SGCD: variants seen among roughly 807,000 people sequenced by gnomAD.
SGCD encodes the protein delta-sarcoglycan.
SGCD carries 18 observed loss-of-function variants against 36.6 expected under a neutral mutation model. That is an observed-to-expected ratio of 0.49 (90% CI 0.34 to 0.73). The LOEUF is 0.73. Ranked by LOEUF, SGCD falls within the 30% of genes least tolerant of loss-of-function variation. The pLI, the probability that SGCD is intolerant of heterozygous loss-of-function variation, is 0.01. For missense variants in SGCD, 387 were observed against 346.7 expected, an observed-to-expected ratio of 1.12 and a Z score of -0.92; for synonymous variants, 133 against 130.6, an observed-to-expected ratio of 1.02 and a Z score of -0.12.
chr5:156,601,178 G>A (rs1355301818), intron 6 of SGCD, among the ~76,000 whole-genome samples: 12 of 152,080 alleles, frequency 7.9e-5, no homozygotes, highest in Admixed American at 7.9e-4. Context: ...TTTGTTGCCT[G>A]TACTTTTGAG....
chr5:156,229,640 G>A (rs974250928), intron 3 of SGCD, among the ~76,000 whole-genome samples: 3 of 151,940 alleles, frequency 2.0e-5, no homozygotes, highest in African/African-American at 4.8e-5. Context: ...ATGACAATGT[G>A]CCTAGGCGAT....
chr5:156,493,995 A>T (rs918045451), intron 3 of SGCD, among the ~76,000 whole-genome samples: 1 of 152,122 alleles, frequency 6.6e-6, no homozygotes, highest in Non-Finnish European at 1.5e-5. Flanking sequence ...CAAGCCTCTC[A>T]GAGCATATCA....
chr5:156,432,529 G>A (rs1753069665), intron 3 of SGCD, among the ~76,000 whole-genome samples: 1 of 152,148 alleles, frequency 6.6e-6, no homozygotes, highest in Non-Finnish European at 1.5e-5. Flanking sequence ...CTCCCCAAGA[G>A]TTTATGTCCT....
chr5:156,118,252 C>A (rs1761950249), intron 2 of SGCD, among the ~76,000 whole-genome samples: 1 of 151,994 alleles, frequency 6.6e-6, no homozygotes, highest in Non-Finnish European at 1.5e-5. Context: ...GGTGCACTGG[C>A]ATGCATGGAA....
intron 3 of SGCD, among the ~76,000 whole-genome samples, chr5:156,355,570 C>G (rs1769453669): frequency 1.3e-5 from 2 of 152,242 alleles, no homozygotes; most frequent in South Asian, 4.1e-4. Flanking sequence ...TGTTTCTGAG[C>G]CATATTCTCC....
intron 3 of SGCD, among the ~76,000 whole-genome samples, chr5:156,487,772 A>T (rs1581063874): frequency 8.3e-6 from 1 of 120,522 alleles, no homozygotes; most frequent in Non-Finnish European, 1.6e-5. Flanking sequence ...TGGGCAACAG[A>T]GTGAGACTCT....
the SGCD span, among the ~76,000 whole-genome samples, chr5:155,830,032 T>G: frequency 6.6e-6 from 1 of 152,088 alleles, no homozygotes; most frequent in African/African-American, 2.4e-5. Context: ...GATGAGGGGA[T>G]GGAGGCCCAA....
At chr5:155,870,557 G>A (rs755301292) in intron 1 of SGCD, 1 of 152,100 alleles carries the variant, frequency 6.6e-6, no homozygotes, top group Non-Finnish European at 1.5e-5. Flanking sequence ...TTGCCAGAAG[G>A]AGCCTCAAAG....
intron 7 of SGCD, among the ~76,000 whole-genome samples, chr5:156,742,406 C>A (rs1215120680): frequency 6.6e-6 from 1 of 152,200 alleles, no homozygotes; most frequent in East Asian, 1.9e-4. Flanking sequence ...ATTCTCTTCC[C>A]TCTCTCAGTG....
chr5:155,753,721 A>G, the SGCD span, among the ~76,000 whole-genome samples: 1 of 152,198 alleles, frequency 6.6e-6, no homozygotes, highest in African/African-American at 2.4e-5. Context: ...ACCGGGAATC[A>G]AGTTTCCCTT....
intron 3 of SGCD, among the ~76,000 whole-genome samples, chr5:156,488,107 T>TTTG (rs1554107890): frequency 3.6e-5 from 5 of 140,720 alleles, no homozygotes; most frequent in African/African-American, 1.1e-4. Context: ...GGTTTTTTTT[T>TTTG]TTTTTTTTTT....
At chr5:156,199,382 ATTGG>A (rs1764090752) in intron 3 of SGCD, among the ~76,000 whole-genome samples, 1 of 152,144 alleles carries the variant, frequency 6.6e-6, no homozygotes, top group African/African-American at 2.4e-5. Flanking sequence ...TCTTCACAGA[ATTGG>A]GAAATAATAA....
chr5:156,070,056 T>G (rs1218890848), intron 1 of SGCD, among the ~76,000 whole-genome samples: 1 of 151,626 alleles, frequency 6.6e-6, no homozygotes, highest in African/African-American at 2.4e-5. Flanking sequence ...TTTCTAGATA[T>G]ACAATCATGT....
chr5:156,223,517 C>T (rs550101150), intron 3 of SGCD, among the ~76,000 whole-genome samples: 10 of 152,110 alleles, frequency 6.6e-5, no homozygotes, highest in African/African-American at 1.9e-4. Flanking sequence ...ATTGCTTGTG[C>T]TTTGGGTGTA....
At chr5:156,602,108 CT>C (rs1413897009) in intron 6 of SGCD, among the ~76,000 whole-genome samples, 10 of 152,096 alleles carry the variant, frequency 6.6e-5, no homozygotes, top group Admixed American at 5.9e-4. Context: ...TATTTGTGTC[CT>C]CTTCAATTTA....
chr5:156,175,609 G>C (rs769519571), intron 3 of SGCD, among the ~76,000 whole-genome samples: 1 of 152,058 alleles, frequency 6.6e-6, no homozygotes, highest in Non-Finnish European at 1.5e-5. Flanking sequence ...TTACTCAGTG[G>C]AAAATAAAAT....
chr5:156,114,595 C>T (rs745745312), intron 1 of SGCD, among the ~76,000 whole-genome samples: 1 of 152,032 alleles, frequency 6.6e-6, no homozygotes, highest in Non-Finnish European at 1.5e-5. Flanking sequence ...TTGCATAAGC[C>T]TTTCTCCTCT....
chr5:156,370,671 G>C (rs990818266), intron 3 of SGCD, among the ~76,000 whole-genome samples: 1 of 152,138 alleles, frequency 6.6e-6, no homozygotes, highest in Non-Finnish European at 1.5e-5. Flanking sequence ...TTGTCAGTAT[G>C]AAATTTACAA....
At chr5:156,411,083 GC>G (rs1772723943) in intron 3 of SGCD, among the ~76,000 whole-genome samples, 1 of 152,028 alleles carries the variant, frequency 6.6e-6, no homozygotes, top group African/African-American at 2.4e-5. Context: ...TATATGATTT[GC>G]CCCCTTGATG....
Sources: gnomAD v4.1 joint callset for allele counts (sites outside exome capture counted in the v4.1 genomes callset) on GRCh38, gnomAD v4.1.1 for gene constraint, MANE v1.5 for transcripts, NCBI Gene and HGNC (gene_info 2026-07-23, HGNC 2026-07-21) for gene names.